ZNF583: variants seen among roughly 807,000 people sequenced by gnomAD.
The protein encoded by ZNF583 is zinc finger protein 583.
ZNF583 carries 30 observed loss-of-function variants against 55.3 expected under a neutral mutation model. That is an observed-to-expected ratio of 0.54 (90% confidence interval 0.41 to 0.74). The LOEUF (loss-of-function observed/expected upper bound fraction) is 0.74. Among genes scored for constraint, ZNF583 ranks in the 30% least tolerant of loss-of-function variants. The pLI is 0.00. For missense variants in ZNF583, 504 were observed against 664.7 expected (o/e 0.76, Z 2.66); for synonymous variants, 208 against 220.0 (o/e 0.95, Z 0.48).
chr19:56,420,042 T>C (rs2042389543), intron 4 of ZNF583, among the ~76,000 whole-genome samples: 2 of 152,306 alleles, frequency 1.3e-5, no homozygotes, highest in South Asian at 4.1e-4. Flanking sequence ...TTTTAGACTT[T>C]TAGTTGTTTT....
In ZNF583 at chr19:56,407,181, G is replaced by A. The variant is rs373582647; in HGVS notation, c.9+58G>A. On this transcript the variant is annotated intron_variant, in intron 2 of 4. Transcript: ENST00000333201. The stretch of plus-strand genomic sequence containing the variant: ...TGCCATCTTATTTTTTAGGTTATAC[G>A]AACATTTTGTTTTTCTTCCAAAATT... 71 of 1,600,206 alleles carry A rather than the reference G, an allele frequency of 4.4e-5. No individual in the cohort carries two copies. The East Asian group carries it at 5.1e-4, about 12-fold the overall frequency.
At chr19:56,406,219 TACTC>T (rs199887384) in intron 1 of ZNF583, among the ~76,000 whole-genome samples, 644 of 152,352 alleles carry the variant, frequency 4.2e-3, no homozygotes, top group Admixed American at 9.0e-3. Flanking sequence ...GACCCTCTGA[TACTC>T]ACTCTGTGTA....
intron 4 of ZNF583, among the ~76,000 whole-genome samples, chr19:56,421,105 T>C (rs533433638): frequency 6.6e-6 from 1 of 152,296 alleles, no homozygotes; most frequent in East Asian, 1.9e-4. Flanking sequence ...CAGCACCACC[T>C]GTGAATTTAT....
chr19:56,410,563 G>A (rs190162397), intron 2 of ZNF583, among the ~76,000 whole-genome samples: 4 of 152,030 alleles, frequency 2.6e-5, no homozygotes, highest in African/African-American at 7.2e-5. Context: ...TTAGCTGAGC[G>A]TGGTGGTGGG....
At chr19:56,414,130 G>T in intron 3 of ZNF583, 45 bp downstream of exon 3, 1 of 1,552,416 alleles carries the variant, frequency 6.4e-7, no homozygotes, top group South Asian at 1.3e-5. Flanking sequence ...ATGGGACTGA[G>T]CTCCAATGTA....
At chr19:56,421,515 C>T (rs1600376940) in intron 4 of ZNF583, 3 of 985,048 alleles carry the variant, frequency 3.0e-6, no homozygotes, top group Non-Finnish European at 3.6e-6. Flanking sequence ...GAATTAGCAG[C>T]CTCAATTTAA....
intron 2 of ZNF583, among the ~76,000 whole-genome samples, chr19:56,407,438 G>T (rs1221919717): frequency 6.6e-6 from 1 of 152,204 alleles, no homozygotes; most frequent in Non-Finnish European, 1.5e-5. Context: ...GATTGAGACT[G>T]AGGTGTATGT....
At position 56,424,333 on chromosome 19, in the gene ZNF583, A is replaced by C. The variant is rs2042471099; in HGVS notation, c.1675A>C (p.Asn559His). ...TLSSPSPSTS[N>H]QLPRPVGFIS ...TTCCTCTCCCTCACCCTCCACATCA[A>C]ATCAGTTGCCAAGACCTGTAGGTTT... is the stretch of plus-strand genomic sequence containing the variant. The change falls in exon 5 of 5, where the codon AAT becomes CAT. Residue 559 changes from asparagine to histidine, a missense_variant. Transcript: ENST00000333201. The C allele has an allele frequency of 1.9e-6, 3 of 1,573,306 alleles. No homozygotes were observed. The highest frequency in any genetic ancestry group is 1.7e-6 in the Non-Finnish European group (2 of 1,143,682).
In ZNF583 at chr19:56,424,422, A is replaced by G; in HGVS notation, c.*54A>G. 1 of 744,050 alleles carries G rather than the reference A, an allele frequency of 1.3e-6. No homozygotes were observed. The highest frequency in any genetic ancestry group is 2.3e-6 in the Non-Finnish European group (1 of 438,512). The allele number at this position is 744,050 out of a possible 1,614,324, so 46.1% of individuals were successfully genotyped here. A position where few individuals can be genotyped will look rare whatever the true frequency, so the allele number is the denominator to read the frequency against. On this transcript the variant is annotated 3_prime_UTR_variant, in exon 5 of 5. Coordinates refer to ENST00000333201, the MANE Select transcript of ZNF583 (RefSeq NM_152478.3). ...ATTTCCATCCCATCATCCTTGTCCA[A>G]TGCACATTAATATATTTGACATGGG...
At chr19:56,405,940 G>A (rs1265185996) in intron 1 of ZNF583, among the ~76,000 whole-genome samples, 1 of 152,146 alleles carries the variant, frequency 6.6e-6, no homozygotes, top group African/African-American at 2.4e-5. Flanking sequence ...TGATCCTTAA[G>A]CCTAGTAGTT....
chr19:56,420,688 A>C (rs1281608828), intron 4 of ZNF583, among the ~76,000 whole-genome samples: 1 of 152,130 alleles, frequency 6.6e-6, no homozygotes, highest in South Asian at 2.1e-4. Context: ...TTTAAAGTCT[A>C]TTTTATCTGA....
chr19:56,421,232 T>G (rs2042410310), intron 4 of ZNF583, among the ~76,000 whole-genome samples: 1 of 152,218 alleles, frequency 6.6e-6, no homozygotes, highest in Non-Finnish European at 1.5e-5. Flanking sequence ...CTCTAAAATG[T>G]AAGAATCATG....
In ZNF583 at chr19:56,425,800, G is replaced by A. The variant is rs1160015336; in HGVS notation, c.*1432G>A. Reference sequence around the variant, plus strand: ...CATAAACTGGCCCACAAACATGTTTGATTCTGTATGCATTAAGTTTAAAAT... The same window carrying A: ...CATAAACTGGCCCACAAACATGTTTAATTCTGTATGCATTAAGTTTAAAAT... On this transcript the variant is annotated 3_prime_UTR_variant, in exon 5 of 5. Transcript: ENST00000333201. 1 of 152,132 alleles carries A rather than the reference G, an allele frequency of 6.6e-6. No homozygotes were observed. The highest frequency in any genetic ancestry group is 6.5e-5 in the Admixed American group (1 of 15,280). 9.4% of individuals were successfully genotyped at this position (152,132 alleles called of 1,614,324 possible).
rs577331268 is a variant in ZNF583, at chr19:56,421,994, A to AT, written c.233-896dup. 3.8e-4 allele frequency among the ~76,000 whole-genome samples: 58 copies of AT among 152,304 alleles called. No homozygotes were observed. The South Asian group carries it at 0.012, about 31-fold the overall frequency. On this transcript the variant is annotated intron_variant, in intron 4 of 4. Coordinates refer to ENST00000333201, the MANE Select transcript of ZNF583 (RefSeq NM_152478.3). ...TGCAATGAGAGAAGGGATCAAGCAG[A>AT]TATCTGTGGAAAGTGCTTTTCAGGC...
intron 2 of ZNF583, among the ~76,000 whole-genome samples, chr19:56,409,968 T>C (rs557082735): frequency 5.3e-5 from 8 of 152,312 alleles, no homozygotes; most frequent in African/African-American, 1.9e-4. Flanking sequence ...TATTCATCCA[T>C]TACTCATATG....
intron 1 of ZNF583, among the ~76,000 whole-genome samples, chr19:56,406,269 C>T (rs1193878725): frequency 6.6e-6 from 1 of 152,170 alleles, no homozygotes; most frequent in Non-Finnish European, 1.5e-5. Flanking sequence ...CACTTTGTAG[C>T]TTTATCTGTC....
At chr19:56,421,449 T>C (rs978774878) in intron 4 of ZNF583, 30 of 985,212 alleles carry the variant, frequency 3.0e-5, no homozygotes, top group Admixed American at 1.2e-4. Context: ...TGGGTGTGAT[T>C]TGCAACTGTT....
chr19:56,413,102 A>C lies in ZNF583; in HGVS notation c.10-857A>C, dbSNP rs78468000. Among the ~76,000 whole-genome samples, 4 of 152,322 alleles carry C rather than the reference A, an allele frequency of 2.6e-5. No homozygotes were observed. In the East Asian group the frequency reaches 5.8e-4, roughly 22 times the overall value. ...TAAACCATATGCCTTCCATTCATTT[A>C]AACCATCTACAGGAGAGGAATTTGT... On this transcript the variant is annotated intron_variant, in intron 2 of 4. Coordinates refer to ENST00000333201, the MANE Select transcript of ZNF583 (RefSeq NM_152478.3).
Position 56,424,427 on chromosome 19 carries a change from C to A in ZNF583, c.*59C>A, listed in dbSNP as rs1444707391. 5.5e-6 allele frequency: 4 copies of A among 725,992 alleles called. No individual in the cohort carries two copies. Among genetic ancestry groups the A allele is most frequent in the Non-Finnish European group, 7.0e-6 (3 of 426,018 alleles). 45.0% of individuals were successfully genotyped at this position (725,992 alleles called of 1,614,324 possible). The stretch of plus-strand genomic sequence containing the variant: ...CATCCCATCATCCTTGTCCAATGCA[C>A]ATTAATATATTTGACATGGGATACT... On this transcript the variant is annotated 3_prime_UTR_variant, in exon 5 of 5. Transcript: ENST00000333201.
Sources: gnomAD v4.1 joint callset for allele counts (sites outside exome capture counted in the v4.1 genomes callset) on GRCh38, gnomAD v4.1.1 for gene constraint, MANE v1.5 for transcripts, NCBI Gene and HGNC (gene_info 2026-07-23, HGNC 2026-07-21) for gene names.